SV2B: variants seen among roughly 807,000 people sequenced by gnomAD.
SV2B encodes the protein synaptic vesicle glycoprotein 2B, also known as solute carrier family 22 member B2.
Under a neutral mutation model 73.9 loss-of-function variants are expected in SV2B, and 41 were observed. The observed-to-expected ratio is 0.56, with a 90% confidence interval of 0.43 to 0.72. The LOEUF (loss-of-function observed/expected upper bound fraction) is 0.72, where lower values mean the gene tolerates loss of function less well. Among genes scored for constraint, SV2B ranks in the 30% least tolerant of loss-of-function variants. The pLI, the probability that SV2B is intolerant of heterozygous loss-of-function variation, is 0.00. For missense variants in SV2B, 764 were observed against 857.8 expected (o/e 0.89, Z 1.37); for synonymous variants, 314 against 314.2 (o/e 1.00, Z 0.01).
chr15:91,117,627 T>C (rs111349126), intron 1 of SV2B, among the ~76,000 whole-genome samples: 1,526 of 152,312 alleles, frequency 0.01, 27 homozygotes, highest in African/African-American at 0.034. Flanking sequence ...CAGGAGGACA[T>C]GAGGAATGTT....
At position 91,137,065 on chromosome 15, in the gene SV2B, C is replaced by A. The variant is rs753815077; in HGVS notation, c.-392+36702C>A. Among the ~76,000 whole-genome samples the A allele has an allele frequency of 1.2e-4, 19 of 152,102 alleles. No individual in the cohort carries two copies. The highest frequency in any genetic ancestry group is 4.6e-4 in the Admixed American group (7 of 15,270). ...AGTATGAATGATGCAACTTGTAAACCAGTTATTGGGGTGACTCGTAAGAAG... is the reference window on the plus strand; with the variant it reads ...AGTATGAATGATGCAACTTGTAAACAAGTTATTGGGGTGACTCGTAAGAAG... On this transcript the variant is annotated intron_variant, in intron 1 of 12. Transcript: ENST00000394232. This position sits in a 1 kb window ranked among gnomAD's most constrained non-coding sequence, Gnocchi z 4.9.
rs1228367512 is a variant in SV2B at position 91,214,789 on chromosome 15, G to T, written c.-391-11084G>T. Among the ~76,000 whole-genome samples the T allele has an allele frequency of 6.6e-6, 1 of 152,212 alleles. No homozygotes were observed. The highest frequency in any genetic ancestry group is 1.5e-5 in the Non-Finnish European group (1 of 68,046). ...AGTGTTCCCCAAACAGTTGTGGGGGGTGTGCTTGACTCCTTAGTCCATGGC... is the reference window on the plus strand; with the variant it reads ...AGTGTTCCCCAAACAGTTGTGGGGGTTGTGCTTGACTCCTTAGTCCATGGC... On this transcript the variant is annotated intron_variant, in intron 1 of 12. Coordinates refer to ENST00000394232, the MANE Select transcript of SV2B (RefSeq NM_001323032.3). This position sits in a 1 kb window ranked among gnomAD's most constrained non-coding sequence, Gnocchi z 4.7.
chr15:91,182,967 G>C (rs2141322668), intron 1 of SV2B, among the ~76,000 whole-genome samples: 1 of 152,296 alleles, frequency 6.6e-6, no homozygotes, highest in Middle Eastern at 3.4e-3. Context: ...AGCCTCTTTT[G>C]AGTACCTGTT....
In SV2B at chr15:91,261,771, A is replaced by G. The variant is rs992201682; in HGVS notation, c.1008+1362A>G. Among the ~76,000 whole-genome samples the G allele has an allele frequency of 2.0e-5, 3 of 152,220 alleles. No homozygotes were observed. Among genetic ancestry groups the G allele is most frequent in the Non-Finnish European group, 4.4e-5 (3 of 68,040 alleles). ...TTTGTTTCTTGCCAGTTTTAAAAGC[A>G]GACAAAACAAACAAACAAAAAACCA... On this transcript the variant is annotated intron_variant, in intron 6 of 12. Transcript: ENST00000394232. This position sits in a 1 kb window ranked among gnomAD's most constrained non-coding sequence, Gnocchi z 4.7.
chr15:91,112,388 G>T (rs1171415781), intron 1 of SV2B, among the ~76,000 whole-genome samples: 1 of 152,204 alleles, frequency 6.6e-6, no homozygotes, highest in Non-Finnish European at 1.5e-5. Flanking sequence ...CAGACCACAA[G>T]TTTGGTTTGG....
chr15:91,260,192 A>C, intron 5 of SV2B, 128 bp from the exon 6 acceptor site: 1 of 746,624 alleles, frequency 1.3e-6, no homozygotes, highest in South Asian at 1.9e-5. Context: ...TCCATGTGCA[A>C]TTGCCTCAGA....
intron 1 of SV2B, among the ~76,000 whole-genome samples, chr15:91,168,653 G>A (rs74038091): frequency 0.12 from 17,785 of 151,892 alleles, 1,362 homozygotes; most frequent in South Asian, 0.22. Context: ...GTCTAAGCTG[G>A]GAGAATTGAA....
At position 91,236,852 on chromosome 15, in the gene SV2B, G is replaced by C. The variant is rs908964781; in HGVS notation, c.451+10138G>C. On this transcript the variant is annotated intron_variant, in intron 2 of 12. Transcript: ENST00000394232. The surrounding 1 kb of genome is among the most constrained non-coding windows in gnomAD (Gnocchi z 4.1). ...TCTGGTACCCAAACTGGAAGACGCA[G>C]ATGGCTGGGGCTTCTTTTGAGCATC... is the stretch of plus-strand genomic sequence containing the variant. 6.6e-6 allele frequency among the ~76,000 whole-genome samples: 1 copy of C among 152,066 alleles called. No homozygotes were observed. The highest frequency in any genetic ancestry group is 1.5e-5 in the Non-Finnish European group (1 of 68,008).
intron 1 of SV2B, among the ~76,000 whole-genome samples, chr15:91,172,682 C>G (rs2044165507): frequency 6.6e-6 from 1 of 152,196 alleles, no homozygotes; most frequent in Admixed American, 6.5e-5. Context: ...GAGACAGCTT[C>G]TTTAGGTTCC....
In SV2B at chr15:91,281,876, T is replaced by C; in HGVS notation, c.1507+15T>C. On this transcript the variant is annotated intron_variant, in intron 10 of 12. Transcript: ENST00000394232. The surrounding 1 kb of genome is among the most constrained non-coding windows in gnomAD (Gnocchi z 4.7). ...TTACAACACAGGTAGGTAAGAACAT[T>C]GACAGATTGAATAGAAAGTAACAGG... is the stretch of plus-strand genomic sequence containing the variant. 6.3e-7 allele frequency: 1 copy of C among 1,598,472 alleles called. No homozygotes were observed. The highest frequency in any genetic ancestry group is 8.5e-7 in the Non-Finnish European group (1 of 1,169,954).
chr15:91,161,976 G>T (rs533190186), intron 1 of SV2B, among the ~76,000 whole-genome samples: 3 of 152,220 alleles, frequency 2.0e-5, no homozygotes, highest in African/African-American at 7.2e-5. Flanking sequence ...AATTAGTCAG[G>T]GTATCCACAG....
intron 2 of SV2B, 136 bp downstream of exon 2, chr15:91,226,850 A>G (rs1378925350): frequency 1.0e-5 from 11 of 1,095,880 alleles, no homozygotes; most frequent in African/African-American, 1.6e-5. Context: ...TGTCTTAGAG[A>G]AATCAATTGA....
intron 1 of SV2B, among the ~76,000 whole-genome samples, chr15:91,183,841 A>G (rs1217051337): frequency 6.6e-6 from 1 of 152,240 alleles, no homozygotes; most frequent in Non-Finnish European, 1.5e-5. Context: ...TTTGCCAAGG[A>G]CAGGATGGAA....
chr15:91,225,592 G>A lies in SV2B; in HGVS notation c.-391-281G>A, dbSNP rs144044056. Among the ~76,000 whole-genome samples, 55 of 151,906 alleles carry A rather than the reference G, an allele frequency of 3.6e-4. 1 individual carries two copies. In the South Asian group the frequency reaches 9.6e-3, roughly 27 times the overall value. ...GTACATGTGCACAACGTGCAGGTTC[G>A]TTACATATGTATACATGTGCCATGC... On this transcript the variant is annotated intron_variant, in intron 1 of 12. Transcript: ENST00000394232.
intron 1 of SV2B, among the ~76,000 whole-genome samples, chr15:91,103,825 T>A (rs1388055823): frequency 6.6e-6 from 1 of 152,158 alleles, no homozygotes; most frequent in Non-Finnish European, 1.5e-5. Flanking sequence ...TTCTGTGAAT[T>A]TCCCCCATCC....
chr15:91,155,765 T>C (rs1035432495), intron 1 of SV2B, among the ~76,000 whole-genome samples: 14 of 152,180 alleles, frequency 9.2e-5, no homozygotes, highest in Admixed American at 6.5e-5. Flanking sequence ...TAAAATAATC[T>C]GAGCCATTTG....
chr15:91,133,793 G>C (rs1438806342), intron 1 of SV2B, among the ~76,000 whole-genome samples: 2 of 151,686 alleles, frequency 1.3e-5, no homozygotes, highest in African/African-American at 4.9e-5. Context: ...CCCTTGCCTG[G>C]GTGTCAGTGA....
rs1218934242 is a variant in SV2B at position 91,166,845 on chromosome 15, G to T, written c.-391-59028G>T. 9.1e-5 allele frequency among the ~76,000 whole-genome samples: 13 copies of T among 143,312 alleles called. No homozygotes were observed. The East Asian group carries it at 2.4e-3, about 27-fold the overall frequency. 94.0% of individuals were successfully genotyped at this position (143,312 alleles called of 152,430 possible). ...TTTTTTTTTTTTGAGATGGAGTCTT[G>T]CTCTGTTGCCCAGGCTGGAGTGCAG... is the stretch of plus-strand genomic sequence containing the variant. On this transcript the variant is annotated intron_variant, in intron 1 of 12. Transcript: ENST00000394232.
chr15:91,132,019 G>C lies in SV2B; in HGVS notation c.-392+31656G>C, dbSNP rs1217902536. ...GCCAAGTGTGGTGATGTCACTGGTA[G>C]AGGGTCGTGACTGCAAGTTATTGAG... On this transcript the variant is annotated intron_variant, in intron 1 of 12. Transcript: ENST00000394232. The surrounding 1 kb of genome is among the most constrained non-coding windows in gnomAD (Gnocchi z 4.6). Among the ~76,000 whole-genome samples the C allele has an allele frequency of 6.6e-6, 1 of 152,196 alleles. No individual in the cohort carries two copies. Among genetic ancestry groups the C allele is most frequent in the African/African-American group, 2.4e-5 (1 of 41,458 alleles).
Sources: gnomAD v4.1 joint callset for allele counts (sites outside exome capture counted in the v4.1 genomes callset) on GRCh38, gnomAD v4.1.1 for gene constraint, Gnocchi (gnomAD v3.1) non-coding constraint, MANE v1.5 for transcripts, NCBI Gene and HGNC (gene_info 2026-07-23, HGNC 2026-07-21) for gene names.